The following POU2AF2 variants were observed in gnomAD, a reference collection of about 807,000 sequenced individuals.
POU2AF2 encodes the protein POU domain class 2-associating factor 2.
At chr11:111,263,401 C>T in the POU2AF2 span, among the ~76,000 whole-genome samples, 1 of 149,908 alleles carries the variant, frequency 6.7e-6, no homozygotes, top group Non-Finnish European at 1.5e-5. Flanking sequence ...GTCTGGGAAC[C>T]TACAACACTC....
At chr11:111,256,819 A>G in the POU2AF2 span, among the ~76,000 whole-genome samples, 5,442 of 152,298 alleles carry the variant, frequency 0.036, 297 homozygotes, top group African/African-American at 0.12. Context: ...GTTGGTGGGA[A>G]TAATACTCAC....
the POU2AF2 span, among the ~76,000 whole-genome samples, chr11:111,260,392 T>G: frequency 6.6e-6 from 1 of 152,208 alleles, no homozygotes; most frequent in Non-Finnish European, 1.5e-5. Context: ...CGGTGAGTTC[T>G]GCTTTATACG....
At chr11:111,276,452 AAATATATAT>A in the POU2AF2 span, among the ~76,000 whole-genome samples, 2 of 35,620 alleles carry the variant, frequency 5.6e-5, no homozygotes, top group African/African-American at 8.3e-5. Context: ...AAAAAAAAAA[AAATATATAT>A]ATATATATAT....
At chr11:111,264,577 G>GGA in the POU2AF2 span, among the ~76,000 whole-genome samples, 24 of 22,930 alleles carry the variant, frequency 1.0e-3, 1 homozygote, top group African/African-American at 2.9e-3. Flanking sequence ...AGAAAGAAAG[G>GGA]GAGAGAGAAA....
the POU2AF2 span, chr11:111,256,061 G>A: frequency 7.5e-6 from 3 of 398,948 alleles, no homozygotes; most frequent in East Asian, 1.1e-4. Flanking sequence ...GCAGAAAAAC[G>A]ATCCGGGCAG....
At chr11:111,247,193 G>C in the POU2AF2 span, among the ~76,000 whole-genome samples, 122 of 75,132 alleles carry the variant, frequency 1.6e-3, 1 homozygote, top group African/African-American at 6.2e-3. Flanking sequence ...CACACACACA[G>C]AGAGAGAGAG....
chr11:111,259,243 G>T, the POU2AF2 span, among the ~76,000 whole-genome samples: 4 of 151,326 alleles, frequency 2.6e-5, no homozygotes, highest in Non-Finnish European at 5.9e-5. Flanking sequence ...GAGAACAAGA[G>T]AAGCGAAGTA....
the POU2AF2 span, among the ~76,000 whole-genome samples, chr11:111,275,769 TCAA>T: frequency 6.6e-6 from 1 of 152,086 alleles, no homozygotes; most frequent in Non-Finnish European, 1.5e-5. Flanking sequence ...TAATGAGCAC[TCAA>T]CAAGAGGCTG....
At chr11:111,262,649 C>A in the POU2AF2 span, among the ~76,000 whole-genome samples, 2 of 152,166 alleles carry the variant, frequency 1.3e-5, no homozygotes, top group Non-Finnish European at 1.5e-5. Context: ...CTCCTTCTTT[C>A]GTCTGTTTGA....
At chr11:111,283,918 T>C in the POU2AF2 span, among the ~76,000 whole-genome samples, 47 of 152,316 alleles carry the variant, frequency 3.1e-4, no homozygotes, top group African/African-American at 1.1e-3. Flanking sequence ...AATGCAGGAA[T>C]ATTTCACGCT....
At chr11:111,248,697 T>G in the POU2AF2 span, among the ~76,000 whole-genome samples, 1 of 152,162 alleles carries the variant, frequency 6.6e-6, no homozygotes, top group Non-Finnish European at 1.5e-5. Flanking sequence ...TTCCCTTACG[T>G]AAAGTCACAA....
At chr11:111,252,698 C>T in the POU2AF2 span, among the ~76,000 whole-genome samples, 1 of 152,054 alleles carries the variant, frequency 6.6e-6, no homozygotes, top group Non-Finnish European at 1.5e-5. Context: ...TTCTGTCCCT[C>T]TCTTCTAAGC....
the POU2AF2 span, among the ~76,000 whole-genome samples, chr11:111,284,559 CCT>C: frequency 6.6e-6 from 1 of 152,216 alleles, no homozygotes; most frequent in Non-Finnish European, 1.5e-5. Flanking sequence ...TTCAAGGATC[CCT>C]GTTAGCCATG....
At chr11:111,264,140 C>T in the POU2AF2 span, among the ~76,000 whole-genome samples, 1 of 151,982 alleles carries the variant, frequency 6.6e-6, no homozygotes, top group Non-Finnish European at 1.5e-5. Context: ...TGAGTGTGAC[C>T]ATCAGTAAAC....
chr11:111,284,510 C>T, the POU2AF2 span: 1 of 1,128,492 alleles, frequency 8.9e-7, no homozygotes, highest in South Asian at 1.6e-5. Flanking sequence ...TGCTTTGCAG[C>T]TGCCTAGAGA....
chr11:111,279,616 T>C, the POU2AF2 span, among the ~76,000 whole-genome samples: 1,977 of 152,304 alleles, frequency 0.013, 38 homozygotes, highest in African/African-American at 0.043. Flanking sequence ...GTCCCTCTCC[T>C]CTTCCTATTA....
At chr11:111,285,718 C>T in the POU2AF2 span, 1 of 1,613,828 alleles carries the variant, frequency 6.2e-7, no homozygotes, top group Non-Finnish European at 8.5e-7. Flanking sequence ...CTGCCGATGC[C>T]CTGCTGACCT....
the POU2AF2 span, among the ~76,000 whole-genome samples, chr11:111,262,532 G>T: frequency 1.3e-5 from 2 of 152,142 alleles, no homozygotes; most frequent in Non-Finnish European, 2.9e-5. Flanking sequence ...AGTATTAAGA[G>T]GAAAAAATAC....
the POU2AF2 span, among the ~76,000 whole-genome samples, chr11:111,267,644 TG>T: frequency 6.6e-6 from 1 of 152,214 alleles, no homozygotes; most frequent in African/African-American, 2.4e-5. Context: ...TTTCGAGGGC[TG>T]GAAGAGATTC....
Sources: allele counts gnomAD v4.1 joint callset (sites outside exome capture counted in the v4.1 genomes callset), GRCh38; gene constraint gnomAD v4.1.1; transcripts MANE v1.5; gene names NCBI Gene and HGNC (gene_info 2026-07-23, HGNC 2026-07-21).